The following TENM3 variants were observed in gnomAD, a reference collection of about 807,000 sequenced individuals.
TENM3 encodes the protein teneurin transmembrane protein 3.
In TENM3, 63 loss-of-function variants were observed where a neutral mutation model predicts 255.1. That is an observed-to-expected ratio of 0.25 (90% CI 0.20 to 0.30). The LOEUF (loss-of-function observed/expected upper bound fraction) is 0.30, where lower values mean the gene tolerates loss of function less well. Among genes scored for constraint, TENM3 ranks in the 10% least tolerant of loss-of-function variants. TENM3 has a pLI of 1.00. For missense variants in TENM3, 2,929 were observed against 3,461.1 expected (o/e 0.85, Z 3.86); for synonymous variants, 1,306 against 1,322.3 (o/e 0.99, Z 0.27).
At chr4:182,357,730 C>T (rs1390739400) in intron 3 of TENM3, among the ~76,000 whole-genome samples, 1 of 150,072 alleles carries the variant, frequency 6.7e-6, no homozygotes, top group Admixed American at 6.6e-5. Context: ...AATTAGATCC[C>T]ATTTGTCAAT....
chr4:182,761,596 ATG>A (rs1763199783), intron 22 of TENM3, among the ~76,000 whole-genome samples: 1 of 144,110 alleles, frequency 6.9e-6, no homozygotes, highest in Non-Finnish European at 1.5e-5. Context: ...ATAAGTATAT[ATG>A]TATACACACA....
At chr4:182,608,264 A>AT (rs1560995745) in intron 4 of TENM3, among the ~76,000 whole-genome samples, 2 of 151,698 alleles carry the variant, frequency 1.3e-5, no homozygotes, top group Admixed American at 6.6e-5. Flanking sequence ...ATTGATTGAT[A>AT]TTTTTTTGAG....
intron 1 of TENM3, among the ~76,000 whole-genome samples, chr4:182,175,423 T>C (rs183002456): frequency 1.3e-5 from 2 of 152,132 alleles, no homozygotes; most frequent in Non-Finnish European, 2.9e-5. Context: ...TGGTATTCTT[T>C]TCATTTATCC....
the TENM3 span, among the ~76,000 whole-genome samples, chr4:181,945,948 G>A: frequency 6.6e-6 from 1 of 152,002 alleles, no homozygotes; most frequent in Non-Finnish European, 1.5e-5. Flanking sequence ...GTTCCTTTCT[G>A]TGTGTGATCA....
the TENM3 span, among the ~76,000 whole-genome samples, chr4:181,868,822 G>T: frequency 2.0e-5 from 3 of 151,984 alleles, no homozygotes; most frequent in African/African-American, 7.2e-5. Context: ...ACAAAATAGG[G>T]TCGCATTTCT....
chr4:181,843,213 T>C, the TENM3 span, among the ~76,000 whole-genome samples: 2 of 152,188 alleles, frequency 1.3e-5, no homozygotes, highest in African/African-American at 4.8e-5. Flanking sequence ...CAAACTATAT[T>C]CTCTTTTGAA....
chr4:181,765,481 C>T, the TENM3 span, among the ~76,000 whole-genome samples: 3 of 152,024 alleles, frequency 2.0e-5, no homozygotes, highest in African/African-American at 7.2e-5. Context: ...GATTTCACGA[C>T]TGAAAAATAA....
Position 182,189,071 on chromosome 4 carries a change from T to C in TENM3, c.-76+44317T>C, listed in dbSNP as rs146610523. ...AAGTAAATGGAAATTTTTGTAATATTAAATAATCAAAATATAAAAATTAAT... is the reference window on the plus strand; with the variant it reads ...AAGTAAATGGAAATTTTTGTAATATCAAATAATCAAAATATAAAAATTAAT... On this transcript the variant is annotated intron_variant, in intron 1 of 2. Transcript: ENST00000512480. Among the ~76,000 whole-genome samples the C allele has an allele frequency of 9.8e-4, 149 of 152,282 alleles. 1 individual carries two copies. The highest frequency in any genetic ancestry group is 3.5e-3 in the African/African-American group (144 of 41,568).
chr4:182,273,248 G>C (rs897343883), intron 1 of TENM3, among the ~76,000 whole-genome samples: 1 of 152,260 alleles, frequency 6.6e-6, no homozygotes, highest in Non-Finnish European at 1.5e-5. Flanking sequence ...GTCAAGCACA[G>C]CTCTGAAGAG....
At chr4:182,648,400 C>T (rs1385199552) in intron 5 of TENM3, among the ~76,000 whole-genome samples, 1 of 151,758 alleles carries the variant, frequency 6.6e-6, no homozygotes, top group Non-Finnish European at 1.5e-5. Flanking sequence ...TCTCCTGCCT[C>T]AGCCTCCCAA....
intron 3 of TENM3, among the ~76,000 whole-genome samples, chr4:182,407,845 A>G (rs1228151843): frequency 6.6e-6 from 1 of 152,232 alleles, no homozygotes; most frequent in African/African-American, 2.4e-5. Context: ...CTTCATTACC[A>G]AATCTTCCTT....
intron 3 of TENM3, among the ~76,000 whole-genome samples, chr4:182,491,389 A>ATGTTTGTG (rs1554075342): frequency 6.6e-6 from 1 of 150,800 alleles, no homozygotes; most frequent in Non-Finnish European, 1.5e-5. Context: ...AGTGAAATTT[A>ATGTTTGTG]TGTGTGTGTG....
At chr4:182,619,947 G>C (rs1324584161) in intron 4 of TENM3, among the ~76,000 whole-genome samples, 1 of 152,228 alleles carries the variant, frequency 6.6e-6, no homozygotes, top group Non-Finnish European at 1.5e-5. Flanking sequence ...GAATACAATG[G>C]GGAATATTCT....
the TENM3 span, among the ~76,000 whole-genome samples, chr4:181,713,133 C>T: frequency 2.6e-5 from 4 of 152,198 alleles, no homozygotes; most frequent in African/African-American, 7.2e-5. Flanking sequence ...AGACTGTTGG[C>T]ACCTTCTAAA....
the TENM3 span, among the ~76,000 whole-genome samples, chr4:182,113,712 G>A: frequency 0.25 from 38,079 of 152,026 alleles, 5,499 homozygotes; most frequent in Non-Finnish European, 0.33. Flanking sequence ...GGAGAGGAAG[G>A]GAGGGTGTTG....
At chr4:182,244,946 A>G (rs1757544662) in intron 1 of TENM3, among the ~76,000 whole-genome samples, 1 of 152,242 alleles carries the variant, frequency 6.6e-6, no homozygotes, top group African/African-American at 2.4e-5. Context: ...TTAAATTTCT[A>G]GAGTCTCTTT....
At chr4:182,790,042 G>A (rs980819845) in intron 25 of TENM3, among the ~76,000 whole-genome samples, 2 of 152,140 alleles carry the variant, frequency 1.3e-5, no homozygotes, top group African/African-American at 2.4e-5. Context: ...GCGGCTTGGG[G>A]TATTGACTGG....
intron 3 of TENM3, among the ~76,000 whole-genome samples, chr4:182,417,348 C>G (rs1183547023): frequency 6.6e-6 from 1 of 152,050 alleles, no homozygotes; most frequent in Non-Finnish European, 1.5e-5. Flanking sequence ...TCTCAGTGAT[C>G]TTTCATATGT....
chr4:181,521,283 A>C, the TENM3 span, among the ~76,000 whole-genome samples: 1 of 152,234 alleles, frequency 6.6e-6, no homozygotes, highest in South Asian at 2.1e-4. Context: ...CATTCAGATG[A>C]GGTTCCTCGC....
Sources: gnomAD v4.1 joint callset for allele counts (sites outside exome capture counted in the v4.1 genomes callset) on GRCh38, gnomAD v4.1.1 for gene constraint, MANE v1.5 for transcripts, NCBI Gene and HGNC (gene_info 2026-07-23, HGNC 2026-07-21) for gene names.